FAM120B: variants seen among roughly 807,000 people sequenced by gnomAD.
FAM120B encodes the protein constitutive coactivator of peroxisome proliferator-activated receptor gamma.
FAM120B carries 83 observed loss-of-function variants against 96.3 expected under a neutral mutation model. The ratio of observed to expected loss-of-function variants is 0.86; its 90% CI spans 0.72 to 1.03. The LOEUF (loss-of-function observed/expected upper bound fraction) is 1.03. Among genes scored for constraint, FAM120B ranks in the 50% least tolerant of loss-of-function variants. The pLI, the probability that FAM120B is intolerant of heterozygous loss-of-function variation, is 0.00. For synonymous variants in FAM120B, 407 were observed against 402.7 expected, an observed-to-expected ratio of 1.01 and a Z score of -0.13; for missense variants, 1,027 against 1,121.2, an observed-to-expected ratio of 0.92 and a Z score of 1.20.
intron 2 of FAM120B, among the ~76,000 whole-genome samples, chr6:170,322,108 A>G (rs1279020663): frequency 1.3e-5 from 2 of 152,054 alleles, no homozygotes; most frequent in Non-Finnish European, 2.9e-5. Context: ...TACTTACTTA[A>G]TGAGAAAGTG....
intron 4 of FAM120B, among the ~76,000 whole-genome samples, chr6:170,335,382 T>C (rs1049440268): frequency 1.3e-5 from 2 of 152,232 alleles, no homozygotes; most frequent in Admixed American, 1.3e-4. Context: ...GCAAAGGACA[T>C]GAACTCATTC....
Position 170,297,450 on chromosome 6 carries a change from G to A in FAM120B, c.48+1997G>A, listed in dbSNP as rs112828030. ...ACAATGAGCGGCCTTTGTGTGCACA[G>A]AGTCACTAAATATATTAATCTGTAC... On this transcript the variant is annotated intron_variant, in intron 1 of 10. Coordinates refer to the FAM120B transcript ENST00000537664. Among the ~76,000 whole-genome samples the A allele has an allele frequency of 2.0e-3, 310 of 152,356 alleles. 1 individual carries two copies. The highest frequency in any genetic ancestry group is 7.1e-3 in the African/African-American group (296 of 41,578).
intron 4 of FAM120B, among the ~76,000 whole-genome samples, chr6:170,333,552 CTG>C (rs1786210079): frequency 1.4e-5 from 2 of 147,010 alleles, no homozygotes; most frequent in Admixed American, 1.4e-4. Context: ...GAGTCTCACT[CTG>C]TCGCCCAGGC....
intron 1 of FAM120B, among the ~76,000 whole-genome samples, chr6:170,299,295 G>A (rs1355154606): frequency 6.6e-6 from 1 of 152,152 alleles, no homozygotes; most frequent in Non-Finnish European, 1.5e-5. Context: ...GATTTGCATG[G>A]TTCAAGGAAT....
intron 4 of FAM120B, among the ~76,000 whole-genome samples, chr6:170,332,653 A>G (rs1176232233): frequency 2.0e-5 from 3 of 152,152 alleles, no homozygotes; most frequent in East Asian, 1.9e-4. Context: ...AGCCGAGATC[A>G]CGCCATTGCA....
intron 9 of FAM120B, among the ~76,000 whole-genome samples, chr6:170,398,993 T>A (rs1227067464): frequency 2.0e-5 from 3 of 151,428 alleles, no homozygotes; most frequent in Admixed American, 1.3e-4. Flanking sequence ...GGTAGAACTA[T>A]GTCATAACTC....
At chr6:170,330,574 G>T in intron 4 of FAM120B, 24 bp downstream of exon 4, 1 of 1,530,210 alleles carries the variant, frequency 6.5e-7, no homozygotes. Context: ...TTCTTTAAAT[G>T]AACCACAGAT....
chr6:170,364,012 C>T (rs1371467416), intron 6 of FAM120B, among the ~76,000 whole-genome samples: 1 of 152,188 alleles, frequency 6.6e-6, no homozygotes, highest in African/African-American at 2.4e-5. Context: ...GGATTACAGT[C>T]ATGAGCAGCC....
At chr6:170,297,023 C>T (rs1784028900) in intron 1 of FAM120B, among the ~76,000 whole-genome samples, 1 of 152,262 alleles carries the variant, frequency 6.6e-6, no homozygotes, top group Non-Finnish European at 1.5e-5. Flanking sequence ...CCACGCTGGG[C>T]TCAGCTTGCC....
chr6:170,316,058 C>CAAAAAAAAAAA (rs35344814), intron 1 of FAM120B, among the ~76,000 whole-genome samples: 1 of 91,856 alleles, frequency 1.1e-5, no homozygotes. Context: ...GACCCGGTCT[C>CAAAAAAAAAAA]AAAAAAAAAA....
chr6:170,380,901 G>A (rs910287994), intron 6 of FAM120B, among the ~76,000 whole-genome samples: 5 of 152,146 alleles, frequency 3.3e-5, no homozygotes, highest in Admixed American at 6.5e-5. Flanking sequence ...AGCCTTGGGG[G>A]GTCACACTCC....
chr6:170,306,789 G>A lies in FAM120B; in HGVS notation c.-75G>A. The A allele has an allele frequency of 6.5e-6, 1 of 153,342 alleles. No individual in the cohort carries two copies. The highest frequency in any genetic ancestry group is 1.5e-5 in the Non-Finnish European group (1 of 68,884). 9.5% of individuals were successfully genotyped at this position (153,342 alleles called of 1,614,324 possible). A position where few individuals can be genotyped will look rare whatever the true frequency, so the allele number is the denominator to read the frequency against. ...GGCGGCTGTGGCGGTGGCTGAGGCG[G>A]CTGGGCCTAGGGTGCAGCGGGCGCG... On this transcript the variant is annotated 5_prime_UTR_variant, in exon 1 of 11. Coordinates refer to ENST00000476287, the MANE Select transcript of FAM120B (RefSeq NM_032448.3).
chr6:170,330,709 G>T, intron 4 of FAM120B, 159 bp downstream of exon 4: 1 of 627,634 alleles, frequency 1.6e-6, no homozygotes, highest in Non-Finnish European at 2.8e-6. Flanking sequence ...ATCTAACAAA[G>T]TCCCAAAATA....
chr6:170,307,773 G>GCAGA (rs1784376572), intron 1 of FAM120B, among the ~76,000 whole-genome samples: 1 of 152,160 alleles, frequency 6.6e-6, no homozygotes, highest in Non-Finnish European at 1.5e-5. Context: ...GAGGGTGACT[G>GCAGA]CAGACAGACA....
intron 4 of FAM120B, among the ~76,000 whole-genome samples, chr6:170,340,771 T>C (rs1786767275): frequency 6.6e-6 from 1 of 152,258 alleles, no homozygotes; most frequent in African/African-American, 2.4e-5. Flanking sequence ...TGCAGTTTGC[T>C]GGAGGTCCAC....
chr6:170,320,311 G>A (rs749528210), intron 2 of FAM120B, among the ~76,000 whole-genome samples: 5 of 152,180 alleles, frequency 3.3e-5, no homozygotes, highest in Non-Finnish European at 5.9e-5. Context: ...ATGTGAACCT[G>A]CCAGCCAACC....
chr6:170,336,130 T>C (rs941654586), intron 4 of FAM120B, among the ~76,000 whole-genome samples: 8 of 152,236 alleles, frequency 5.3e-5, no homozygotes, highest in African/African-American at 1.7e-4. Context: ...CCCATGCCTA[T>C]GTCCTGAATG....
At chr6:170,326,667 AATGAATGTGGCTG>A (rs1785608800) in intron 3 of FAM120B, among the ~76,000 whole-genome samples, 1 of 152,220 alleles carries the variant, frequency 6.6e-6, no homozygotes, top group African/African-American at 2.4e-5. Context: ...CATGTACATG[AATGAATGTGGCTG>A]TGTGCCAGGA....
At chr6:170,310,902 C>T (rs1424951192) in intron 1 of FAM120B, among the ~76,000 whole-genome samples, 1 of 152,214 alleles carries the variant, frequency 6.6e-6, no homozygotes, top group Non-Finnish European at 1.5e-5. Context: ...CAGCTCCTAA[C>T]ATAGGCCTTG....
Sources: allele counts gnomAD v4.1 joint callset (sites outside exome capture counted in the v4.1 genomes callset), GRCh38; gene constraint gnomAD v4.1.1; transcripts MANE v1.5; gene names NCBI Gene and HGNC (gene_info 2026-07-23, HGNC 2026-07-21).